Variants in YWHAQ observed in about 807,000 individuals in gnomAD.
YWHAQ encodes 14-3-3 protein theta.
In YWHAQ, 6 loss-of-function variants were observed where a neutral mutation model predicts 28.3. That is an observed-to-expected ratio of 0.21 (90% CI 0.12 to 0.42). YWHAQ has a LOEUF of 0.42. Ranked by LOEUF, YWHAQ falls within the 10% of genes least tolerant of loss-of-function variation. The probability of loss-of-function intolerance (pLI) is 1.00; values close to 1 mark genes in which losing one functional copy is unlikely to be tolerated. For synonymous variants in YWHAQ, 143 were observed against 119.1 expected, an observed-to-expected ratio of 1.20 and a Z score of -1.31; for missense variants, 201 against 305.6, an observed-to-expected ratio of 0.66 and a Z score of 2.55.
At chr2:9,627,779 T>C (rs1667276704) in intron 2 of YWHAQ, among the ~76,000 whole-genome samples, 1 of 152,240 alleles carries the variant, frequency 6.6e-6, no homozygotes, top group African/African-American at 2.4e-5. Flanking sequence ...GCTTGTCTCC[T>C]GCAGCAACTC....
At chr2:9,628,675 T>C (rs955549790) in intron 2 of YWHAQ, 2 of 152,232 alleles carry the variant, frequency 1.3e-5, no homozygotes, top group Admixed American at 1.3e-4. Flanking sequence ...CATTACCATA[T>C]GTTACTCAAG....
At chr2:9,616,146 A>G (rs1465425347) in intron 2 of YWHAQ, among the ~76,000 whole-genome samples, 2 of 152,214 alleles carry the variant, frequency 1.3e-5, no homozygotes, top group Non-Finnish European at 2.9e-5. Flanking sequence ...AGAAATCATG[A>G]GTTTTCCTTA....
At chr2:9,590,562 C>G (rs978600496) in intron 3 of YWHAQ, among the ~76,000 whole-genome samples, 1 of 152,110 alleles carries the variant, frequency 6.6e-6, no homozygotes, top group Non-Finnish European at 1.5e-5. Context: ...AATCTGGTAG[C>G]AAGCACATAC....
intron 2 of YWHAQ, among the ~76,000 whole-genome samples, chr2:9,613,069 T>C (rs1212987870): frequency 3.9e-5 from 6 of 152,182 alleles, no homozygotes; most frequent in Admixed American, 3.9e-4. Flanking sequence ...CCCTCAACCA[T>C]GAATGTACAC....
intron 2 of YWHAQ, among the ~76,000 whole-genome samples, chr2:9,598,699 A>T (rs1666626844): frequency 6.6e-6 from 1 of 152,224 alleles, no homozygotes. Flanking sequence ...ACAAGATGGT[A>T]AACTTAATCG....
intron 2 of YWHAQ, among the ~76,000 whole-genome samples, chr2:9,620,430 C>A (rs564949342): frequency 6.2e-4 from 95 of 152,264 alleles, no homozygotes; most frequent in Admixed American, 2.5e-3. Context: ...ATACTTTGAC[C>A]AATGCTGGTT....
chr2:9,606,741 T>A (rs1362791973), intron 2 of YWHAQ, among the ~76,000 whole-genome samples: 1 of 151,896 alleles, frequency 6.6e-6, no homozygotes, highest in Non-Finnish European at 1.5e-5. Flanking sequence ...TGTTGGTGAG[T>A]GTATATCCTT....
chr2:9,591,117 A>T lies in YWHAQ; in HGVS notation c.418+275T>A, dbSNP rs190037658. Among the ~76,000 whole-genome samples, 453 of 152,318 alleles carry T rather than the reference A, an allele frequency of 3.0e-3. 3 individuals carry two copies. Among genetic ancestry groups the T allele is most frequent in the African/African-American group, 0.011 (437 of 41,554 alleles). On this transcript the variant is annotated intron_variant, in intron 3 of 5. Coordinates refer to ENST00000238081, the MANE Select transcript of YWHAQ (RefSeq NM_006826.4). The stretch of plus-strand genomic sequence containing the variant: ...GGAGCTAAAAATATGGTGAACCAAA[A>T]TTCTAAAAAGCATAAAAGATTAATC...
intron 2 of YWHAQ, among the ~76,000 whole-genome samples, chr2:9,627,291 C>T (rs1035207206): frequency 6.6e-6 from 1 of 152,186 alleles, no homozygotes; most frequent in African/African-American, 2.4e-5. Flanking sequence ...CTTCATGTTA[C>T]TTTAACTAGT....
At chr2:9,617,336 C>A (rs1461688720) in intron 2 of YWHAQ, among the ~76,000 whole-genome samples, 1 of 152,062 alleles carries the variant, frequency 6.6e-6, no homozygotes, top group Non-Finnish European at 1.5e-5. Flanking sequence ...ATACATGTTT[C>A]AACATAAACA....
chr2:9,610,806 C>G (rs1439438633), intron 2 of YWHAQ, among the ~76,000 whole-genome samples: 1 of 152,142 alleles, frequency 6.6e-6, no homozygotes, highest in African/African-American at 2.4e-5. Flanking sequence ...CCGCACCCTG[C>G]CTACTCATTT....
intron 2 of YWHAQ, among the ~76,000 whole-genome samples, chr2:9,613,078 A>G (rs967927897): frequency 2.6e-5 from 4 of 152,186 alleles, no homozygotes; most frequent in African/African-American, 2.4e-5. Flanking sequence ...ATGAATGTAC[A>G]CTATTTTACT....
chr2:9,622,058 A>G lies in YWHAQ; in HGVS notation c.294+8101T>C, dbSNP rs56804025. 4.3e-3 allele frequency among the ~76,000 whole-genome samples: 649 copies of G among 152,186 alleles called. 9 individuals are homozygous for G. The highest frequency in any genetic ancestry group is 0.015 in the African/African-American group (629 of 41,504). On this transcript the variant is annotated intron_variant, in intron 2 of 5. Transcript: ENST00000238081. ...TCAGGGCGTCGGGGGCTAGGGGAGG[A>G]ATAGCATTGGAGAAATACCTAATGT...
At chr2:9,597,650 A>AG (rs1468684319) in intron 2 of YWHAQ, among the ~76,000 whole-genome samples, 3 of 151,108 alleles carry the variant, frequency 2.0e-5, no homozygotes, top group Non-Finnish European at 4.4e-5. Flanking sequence ...AAAAAAAAAA[A>AG]AAAGAAAAAG....
chr2:9,618,437 G>A (rs1268914844), intron 2 of YWHAQ, among the ~76,000 whole-genome samples: 1 of 152,268 alleles, frequency 6.6e-6, no homozygotes, highest in Non-Finnish European at 1.5e-5. Context: ...TCTAAAGAGG[G>A]AAATTATTTG....
At chr2:9,593,923 T>TATATATACACACAC (rs377495113) in intron 2 of YWHAQ, among the ~76,000 whole-genome samples, 18 of 135,152 alleles carry the variant, frequency 1.3e-4, no homozygotes, top group African/African-American at 5.0e-4. Flanking sequence ...TATATATATA[T>TATATATACACACAC]ACACACACAC....
intron 2 of YWHAQ, among the ~76,000 whole-genome samples, chr2:9,606,403 TAAAATAAAAATA>T (rs144636528): frequency 6.2e-4 from 93 of 150,604 alleles, no homozygotes; most frequent in Admixed American, 1.3e-3. Flanking sequence ...CCGTCTCTAC[TAAAATAAAAATA>T]AAAATAAAAA....
chr2:9,596,324 T>A (rs1248992778), intron 2 of YWHAQ, among the ~76,000 whole-genome samples: 2 of 151,978 alleles, frequency 1.3e-5, no homozygotes, highest in Non-Finnish European at 2.9e-5. Flanking sequence ...TTCAACCACT[T>A]TTTCAAAATA....
At chr2:9,600,870 G>A (rs1356748553) in intron 2 of YWHAQ, among the ~76,000 whole-genome samples, 1 of 152,096 alleles carries the variant, frequency 6.6e-6, no homozygotes, top group African/African-American at 2.4e-5. Context: ...AAAAGATAAG[G>A]ACTTCTAAAG....
Sources: gnomAD v4.1 joint callset for allele counts (sites outside exome capture counted in the v4.1 genomes callset) on GRCh38, gnomAD v4.1.1 for gene constraint, MANE v1.5 for transcripts, NCBI Gene and HGNC (gene_info 2026-07-23, HGNC 2026-07-21) for gene names.